The following AK5 variants were observed in gnomAD, a reference collection of about 807,000 sequenced individuals.
AK5 encodes adenylate kinase 5.
Under a neutral mutation model 69.5 loss-of-function variants are expected in AK5, and 27 were observed. The observed-to-expected ratio is 0.39, with a 90% CI of 0.29 to 0.54. The LOEUF is 0.54. Among genes scored for constraint, AK5 ranks in the 20% least tolerant of loss-of-function variants. The pLI is 0.71. For synonymous variants in AK5, 260 were observed against 244.4 expected, an observed-to-expected ratio of 1.06 and a Z score of -0.60; for missense variants, 531 against 700.4, an observed-to-expected ratio of 0.76 and a Z score of 2.73.
At chr1:77,378,265 A>C (rs1156835029) in intron 6 of AK5, among the ~76,000 whole-genome samples, 2 of 152,196 alleles carry the variant, frequency 1.3e-5, no homozygotes, top group Non-Finnish European at 2.9e-5. Context: ...GCATATTGAT[A>C]ATCTCTGCAA....
intron 2 of AK5, among the ~76,000 whole-genome samples, chr1:77,292,847 C>T (rs986476371): frequency 4.6e-5 from 7 of 152,088 alleles, no homozygotes; most frequent in African/African-American, 7.2e-5. Flanking sequence ...ATTAAATTAC[C>T]GTGGTGCTTA....
chr1:77,417,521 G>T, intron 7 of AK5, 118 bp from the exon 8 acceptor site: 1 of 683,226 alleles, frequency 1.5e-6, no homozygotes, highest in Non-Finnish European at 2.6e-6. Context: ...GAACAGTCTA[G>T]AAATGTTTGT....
rs150039539 is a variant in AK5, at chr1:77,339,122, A to G, written c.700-1255A>G. Among the ~76,000 whole-genome samples the G allele has an allele frequency of 1.9e-4, 29 of 152,370 alleles. No individual in the cohort carries two copies. The East Asian group carries it at 5.0e-3, about 26-fold the overall frequency. On this transcript the variant is annotated intron_variant, in intron 5 of 13. Coordinates refer to ENST00000354567, the MANE Select transcript of AK5 (RefSeq NM_174858.3). ...TTAAAAATTGTATTTTCATATATATATTTTACAATGTGCATTCTGCACTAG... is the reference window on the plus strand; with the variant it reads ...TTAAAAATTGTATTTTCATATATATGTTTTACAATGTGCATTCTGCACTAG...
intron 8 of AK5, among the ~76,000 whole-genome samples, chr1:77,460,752 C>T (rs1653781718): frequency 1.3e-5 from 2 of 151,806 alleles, no homozygotes; most frequent in African/African-American, 4.8e-5. Flanking sequence ...GAGACAGAGT[C>T]TCACCCTGTC....
Position 77,282,279 on chromosome 1 carries a change from C to T in AK5, c.-35C>T, listed in dbSNP as rs1284473421. 1.3e-6 allele frequency: 2 copies of T among 1,537,898 alleles called. No individual in the cohort carries two copies. Among genetic ancestry groups the T allele is most frequent in the Non-Finnish European group, 1.8e-6 (2 of 1,140,336 alleles). On this transcript the variant is annotated 5_prime_UTR_variant, in exon 1 of 14. Transcript: ENST00000354567. ...TCAGGTCGCCGCAGCCCGGGAGCCT[C>T]CCCGCTTGCGCCCCAAGGCACGCGC...
chr1:77,315,888 A>G (rs917742943), intron 5 of AK5, among the ~76,000 whole-genome samples: 3 of 152,182 alleles, frequency 2.0e-5, no homozygotes, highest in Admixed American at 2.0e-4. Flanking sequence ...ATCCCGGGCT[A>G]GGGAATCAAA....
chr1:77,381,885 T>C lies in AK5; in HGVS notation c.892-29096T>C, dbSNP rs12140779. Among the ~76,000 whole-genome samples the C allele has an allele frequency of 1.3e-3, 193 of 152,308 alleles. 1 individual carries two copies. The South Asian group carries it at 0.014, about 11-fold the overall frequency. ...AAGCAACCCTAATAAGGATGCTAGA[T>C]AGCATTAAAATAAACAAAGTAGTAG... On this transcript the variant is annotated intron_variant, in intron 6 of 13. Coordinates refer to ENST00000354567, the MANE Select transcript of AK5 (RefSeq NM_174858.3).
chr1:77,358,332 T>G (rs935110202), intron 6 of AK5, among the ~76,000 whole-genome samples: 8 of 152,194 alleles, frequency 5.3e-5, no homozygotes, highest in Non-Finnish European at 1.2e-4. Flanking sequence ...TCAGTGGTAA[T>G]GACCCAGTGT....
At chr1:77,302,019 C>T (rs1341766853) in intron 5 of AK5, among the ~76,000 whole-genome samples, 4 of 151,324 alleles carry the variant, frequency 2.6e-5, no homozygotes, top group African/African-American at 9.7e-5. Context: ...AGGGGCACCA[C>T]TGTAGCTCAC....
At chr1:77,409,158 T>C (rs1649866352) in intron 6 of AK5, among the ~76,000 whole-genome samples, 1 of 152,234 alleles carries the variant, frequency 6.6e-6, no homozygotes, top group Non-Finnish European at 1.5e-5. Context: ...TTTTCCAATC[T>C]GTCATTGATG....
At chr1:77,473,287 A>G (rs1654635744) in intron 8 of AK5, among the ~76,000 whole-genome samples, 1 of 151,462 alleles carries the variant, frequency 6.6e-6, no homozygotes, top group Non-Finnish European at 1.5e-5. Context: ...GTACGATCAC[A>G]ACTCACTGCA....
intron 12 of AK5, among the ~76,000 whole-genome samples, chr1:77,524,252 C>A (rs1400068172): frequency 6.6e-6 from 1 of 152,152 alleles, no homozygotes; most frequent in Admixed American, 6.5e-5. Context: ...TACATGTGTA[C>A]AATATCTGTT....
At chr1:77,282,970 C>T in intron 1 of AK5, 1 of 985,622 alleles carries the variant, frequency 1.0e-6, no homozygotes, top group Non-Finnish European at 1.2e-6. Flanking sequence ...AACTCCTGAG[C>T]ACGTTTTTCC....
chr1:77,417,736 GTTCT>G, intron 8 of AK5, 21 bp downstream of exon 8: 3 of 1,441,076 alleles, frequency 2.1e-6, no homozygotes, highest in Non-Finnish European at 1.9e-6. Context: ...TCTGAAAATA[GTTCT>G]CTATTTAAAT....
chr1:77,388,830 G>T (rs530058343), intron 6 of AK5, among the ~76,000 whole-genome samples: 109 of 152,072 alleles, frequency 7.2e-4, no homozygotes, highest in African/African-American at 2.5e-3. Flanking sequence ...AAGTGTGAAA[G>T]CTCTTTTGAC....
intron 8 of AK5, among the ~76,000 whole-genome samples, chr1:77,468,742 A>C (rs1483237377): frequency 6.6e-6 from 1 of 152,224 alleles, no homozygotes; most frequent in Non-Finnish European, 1.5e-5. Flanking sequence ...AGATGATGTC[A>C]CCATGTCTTT....
intron 10 of AK5, among the ~76,000 whole-genome samples, chr1:77,512,134 AATACT>A (rs1431668746): frequency 9.2e-5 from 14 of 152,208 alleles, no homozygotes; most frequent in African/African-American, 3.4e-4. Flanking sequence ...AAACCCAGAC[AATACT>A]GTTCTCTCTG....
At chr1:77,289,342 G>A (rs1658546230) in intron 2 of AK5, among the ~76,000 whole-genome samples, 1 of 152,102 alleles carries the variant, frequency 6.6e-6, no homozygotes, top group South Asian at 2.1e-4. Flanking sequence ...TTGTGGGCTT[G>A]AACAGTTCAT....
chr1:77,305,163 G>T (rs1225103403), intron 5 of AK5, among the ~76,000 whole-genome samples: 1 of 151,962 alleles, frequency 6.6e-6, no homozygotes. Flanking sequence ...CAAATCTTTT[G>T]CCTGTCTTTT....
Sources: allele counts gnomAD v4.1 joint callset (sites outside exome capture counted in the v4.1 genomes callset), GRCh38; gene constraint gnomAD v4.1.1; transcripts MANE v1.5; gene names NCBI Gene and HGNC (gene_info 2026-07-23, HGNC 2026-07-21).